Variants in ENOX1 observed in about 807,000 individuals in gnomAD.
The protein encoded by ENOX1 is ecto-NOX disulfide-thiol exchanger 1.
A neutral mutation model predicts 82.5 loss-of-function variants in ENOX1; 42 were observed. The ratio of observed to expected loss-of-function variants is 0.51; its 90% CI spans 0.40 to 0.66. The LOEUF (loss-of-function observed/expected upper bound fraction) is 0.66. Among genes scored for constraint, ENOX1 ranks in the 30% least tolerant of loss-of-function variants. The probability of loss-of-function intolerance (pLI) is 0.00; values close to 1 mark genes in which losing one functional copy is unlikely to be tolerated. For synonymous variants in ENOX1, 271 were observed against 282.2 expected (o/e 0.96, Z 0.40); for missense variants, 608 against 811.6 (o/e 0.75, Z 3.05).
At chr13:43,655,405 C>G (rs1466819141) in intron 2 of ENOX1, among the ~76,000 whole-genome samples, 1 of 152,046 alleles carries the variant, frequency 6.6e-6, no homozygotes. Context: ...AGGCAGCAAT[C>G]CAGCCTTGAC....
chr13:43,362,158 C>CAT (rs2050563262), intron 5 of ENOX1, among the ~76,000 whole-genome samples: 1 of 39,624 alleles, frequency 2.5e-5, no homozygotes, highest in African/African-American at 5.3e-5. Flanking sequence ...CCCTGTATTA[C>CAT]ACACACACAC....
At chr13:43,709,639 A>G (rs2153812730) in intron 1 of ENOX1, among the ~76,000 whole-genome samples, 2 of 152,240 alleles carry the variant, frequency 1.3e-5, no homozygotes, top group Admixed American at 1.3e-4. Context: ...GAAGATTAAC[A>G]AGCTAGTTCT....
intron 1 of ENOX1, among the ~76,000 whole-genome samples, chr13:43,712,194 CTTGT>C (rs1241007664): frequency 7.0e-6 from 1 of 142,418 alleles, no homozygotes; most frequent in Non-Finnish European, 1.6e-5. Flanking sequence ...TTCCCCATTG[CTTGT>C]TTTTCTCAGG....
chr13:43,678,299 C>T (rs1221047951), intron 1 of ENOX1, among the ~76,000 whole-genome samples: 1 of 152,152 alleles, frequency 6.6e-6, no homozygotes, highest in East Asian at 1.9e-4. Flanking sequence ...AAAATATGAT[C>T]TTAAACTAAT....
intron 3 of ENOX1, among the ~76,000 whole-genome samples, chr13:43,463,071 A>C (rs563766984): frequency 2.0e-5 from 3 of 152,178 alleles, no homozygotes; most frequent in South Asian, 2.1e-4. Flanking sequence ...TCCTGCCATT[A>C]TCTCTCTCTT....
chr13:43,779,546 T>TAGC (rs1023447713), intron 1 of ENOX1, among the ~76,000 whole-genome samples: 1 of 152,152 alleles, frequency 6.6e-6, no homozygotes, highest in African/African-American at 2.4e-5. Flanking sequence ...AGGGCATGAG[T>TAGC]AGCAAACTGA....
intron 12 of ENOX1, among the ~76,000 whole-genome samples, chr13:43,291,910 C>G (rs537202416): frequency 5.3e-5 from 8 of 152,264 alleles, no homozygotes; most frequent in Middle Eastern, 3.4e-3. Flanking sequence ...TAAAATGAAG[C>G]CTGCCTGTCA....
At chr13:43,597,086 AC>A (rs1297471540) in intron 2 of ENOX1, among the ~76,000 whole-genome samples, 1 of 152,234 alleles carries the variant, frequency 6.6e-6, no homozygotes, top group African/African-American at 2.4e-5. Flanking sequence ...AGCATGTCTT[AC>A]CATGGCAGAA....
chr13:43,310,370 C>A (rs970732008), intron 11 of ENOX1, among the ~76,000 whole-genome samples: 1 of 151,900 alleles, frequency 6.6e-6, no homozygotes, highest in Admixed American at 6.6e-5. Flanking sequence ...AAGAGGTCAG[C>A]GATGGAACAG....
intron 2 of ENOX1, among the ~76,000 whole-genome samples, chr13:43,498,297 T>C (rs2076862276): frequency 6.6e-6 from 1 of 152,132 alleles, no homozygotes; most frequent in African/African-American, 2.4e-5. Flanking sequence ...TATATGTGTT[T>C]CTGAGATTAT....
At chr13:43,706,366 A>AT (rs767147975) in intron 1 of ENOX1, among the ~76,000 whole-genome samples, 4 of 151,992 alleles carry the variant, frequency 2.6e-5, no homozygotes, top group Non-Finnish European at 5.9e-5. Context: ...GGAAAAAAAA[A>AT]GAAAGAAAGA....
At chr13:43,272,781 C>A (rs139306313) in intron 12 of ENOX1, among the ~76,000 whole-genome samples, 3 of 152,134 alleles carry the variant, frequency 2.0e-5, no homozygotes, top group Non-Finnish European at 2.9e-5. Context: ...TTTTAAAACA[C>A]CTTCACAGGT....
rs186744156 is a variant in ENOX1 at position 43,662,987 on chromosome 13, G to A, written c.-219+4492C>T. 3.8e-3 allele frequency among the ~76,000 whole-genome samples: 585 copies of A among 152,288 alleles called. 7 individuals are homozygous for A. The highest frequency in any genetic ancestry group is 0.014 in the African/African-American group (566 of 41,568). On this transcript the variant is annotated intron_variant, in intron 2 of 16. Transcript: ENST00000690772. ...TGAATTTCAGTGAGGTCTTAAAGGA[G>A]GGAAGGATTTTGAAAATGGAATCTA...
chr13:43,546,297 A>C (rs2078970704), intron 2 of ENOX1: 1 of 152,336 alleles, frequency 6.6e-6, no homozygotes. Flanking sequence ...CATTAAACCA[A>C]AAAGTAAAGG....
intron 11 of ENOX1, among the ~76,000 whole-genome samples, chr13:43,310,197 CAAAAAAAAAAAA>C (rs10555409): frequency 3.6e-5 from 3 of 82,604 alleles, no homozygotes; most frequent in Admixed American, 1.3e-4. Context: ...GATTCCATCT[CAAAAAAAAAAAA>C]AAAAAAAAAA....
chr13:43,543,084 G>A (rs1455316598), intron 2 of ENOX1, among the ~76,000 whole-genome samples: 1 of 152,164 alleles, frequency 6.6e-6, no homozygotes, highest in African/African-American at 2.4e-5. Context: ...CTGTAAGAAC[G>A]AGTATGCATG....
intron 7 of ENOX1, chr13:43,359,597 G>A (rs1380526369): frequency 6.1e-6 from 3 of 491,338 alleles, no homozygotes; most frequent in Non-Finnish European, 1.1e-5. Flanking sequence ...CATCTAATAA[G>A]CACTTGAGAA....
intron 1 of ENOX1, among the ~76,000 whole-genome samples, chr13:43,704,200 CAAAA>C (rs1315854901): frequency 6.6e-6 from 1 of 151,710 alleles, no homozygotes; most frequent in Non-Finnish European, 1.5e-5. Flanking sequence ...AAAAGTAAAA[CAAAA>C]AGAAAACATA....
At chr13:43,701,176 T>C (rs979523926) in intron 1 of ENOX1, among the ~76,000 whole-genome samples, 1 of 152,176 alleles carries the variant, frequency 6.6e-6, no homozygotes, top group Non-Finnish European at 1.5e-5. Flanking sequence ...TAAGCATTTG[T>C]GCATGTACAT....
Sources: gnomAD v4.1 joint callset for allele counts (sites outside exome capture counted in the v4.1 genomes callset) on GRCh38, gnomAD v4.1.1 for gene constraint, MANE v1.5 for transcripts, NCBI Gene and HGNC (gene_info 2026-07-23, HGNC 2026-07-21) for gene names.